The following STK32B variants were observed in gnomAD, a reference collection of about 807,000 sequenced individuals.
STK32B encodes serine/threonine-protein kinase 32B.
Under a neutral mutation model 52.6 loss-of-function variants are expected in STK32B, and 43 were observed. The ratio of observed to expected loss-of-function variants is 0.82; its 90% confidence interval spans 0.64 to 1.05. The LOEUF (loss-of-function observed/expected upper bound fraction) is 1.05. Among genes scored for constraint, STK32B ranks in the 50% least tolerant of loss-of-function variants. The pLI is 0.00. For synonymous variants in STK32B, 238 were observed against 204.3 expected (o/e 1.17, Z -1.41); for missense variants, 621 against 534.6 (o/e 1.16, Z -1.59).
At chr4:5,274,002 A>G (rs933848641) in intron 3 of STK32B, among the ~76,000 whole-genome samples, 8 of 151,702 alleles carry the variant, frequency 5.3e-5, no homozygotes, top group African/African-American at 1.9e-4. Flanking sequence ...AAAAAAAAAG[A>G]AACAAAAAAA....
intron 1 of STK32B, among the ~76,000 whole-genome samples, chr4:5,082,630 A>G (rs576306741): frequency 8.0e-4 from 121 of 152,096 alleles, no homozygotes; most frequent in African/African-American, 2.8e-3. Flanking sequence ...ATACATGTGC[A>G]TTTCCTTTTC....
At chr4:5,209,390 T>TTTTTTGTA (rs113574102) in intron 3 of STK32B, among the ~76,000 whole-genome samples, 6,628 of 151,942 alleles carry the variant, frequency 0.044, 319 homozygotes, top group African/African-American at 0.12. Context: ...CCTGGCTAAT[T>TTTTTTGTA]TTTTTGTATT....
intron 3 of STK32B, among the ~76,000 whole-genome samples, chr4:5,276,752 G>A (rs1387057027): frequency 1.3e-5 from 2 of 151,990 alleles, no homozygotes; most frequent in Non-Finnish European, 2.9e-5. Flanking sequence ...GAGGGGAAAT[G>A]CCGCTCAGAA....
At chr4:5,088,773 C>T in intron 1 of STK32B, among the ~76,000 whole-genome samples, 1 of 151,646 alleles carries the variant, frequency 6.6e-6, no homozygotes. Flanking sequence ...TTATAAAAAA[C>T]CTTTATGGTA....
intron 11 of STK32B, among the ~76,000 whole-genome samples, chr4:5,496,547 CCCTGCACCCACTGT>C (rs1437305665): frequency 6.8e-6 from 1 of 147,160 alleles, no homozygotes; most frequent in East Asian, 1.9e-4. Flanking sequence ...CAATGCCTTG[CCCTGCACCCACTGT>C]CCTGTGCCCA....
At chr4:5,382,214 GGGTACTGT>G (rs1333219419) in intron 4 of STK32B, among the ~76,000 whole-genome samples, 6 of 152,106 alleles carry the variant, frequency 3.9e-5, no homozygotes, top group Non-Finnish European at 8.8e-5. Context: ...ACAAATATCT[GGGTACTGT>G]GGCCCTGTCA....
At chr4:5,454,076 T>C (rs1424569919) in intron 7 of STK32B, among the ~76,000 whole-genome samples, 1 of 151,832 alleles carries the variant, frequency 6.6e-6, no homozygotes, top group Non-Finnish European at 1.5e-5. Context: ...ACCCCCGACC[T>C]CTCTTTATTG....
chr4:5,364,036 C>G (rs1734711670), intron 4 of STK32B, among the ~76,000 whole-genome samples: 1 of 149,708 alleles, frequency 6.7e-6, no homozygotes, highest in Non-Finnish European at 1.5e-5. Context: ...CTGGAGGCAT[C>G]CTTTTGAAAA....
At chr4:5,426,852 TAA>T (rs1713152596) in intron 6 of STK32B, 2 of 152,284 alleles carry the variant, frequency 1.3e-5, no homozygotes, top group East Asian at 1.9e-4. Flanking sequence ...TCTATTATCT[TAA>T]AAGAGTCTTC....
chr4:5,475,366 A>G (rs941439607), intron 11 of STK32B, among the ~76,000 whole-genome samples: 1 of 143,974 alleles, frequency 6.9e-6, no homozygotes, highest in Non-Finnish European at 1.5e-5. Context: ...CGGAGGTTGC[A>G]GTGAGCCGAG....
chr4:5,400,292 C>A lies in STK32B; in HGVS notation c.472+2048C>A, dbSNP rs1009002077. Among the ~76,000 whole-genome samples, 1 of 152,182 alleles carries A rather than the reference C, an allele frequency of 6.6e-6. No homozygotes were observed. Among genetic ancestry groups the A allele is most frequent in the Non-Finnish European group, 1.5e-5 (1 of 68,032 alleles). ...TCCTGCCTTTTGGATTTCCATCCATCCCATTCCGCCTCCCTTTCTGTACCC... is the reference window on the plus strand; with the variant it reads ...TCCTGCCTTTTGGATTTCCATCCATACCATTCCGCCTCCCTTTCTGTACCC... On this transcript the variant is annotated intron_variant, in intron 5 of 11. Coordinates refer to ENST00000282908, the MANE Select transcript of STK32B (RefSeq NM_018401.3). This position sits in a 1 kb window ranked among gnomAD's most constrained non-coding sequence, Gnocchi z 6.1.
At chr4:5,140,021 G>T in intron 2 of STK32B, 61 bp downstream of exon 2, 1 of 1,598,680 alleles carries the variant, frequency 6.3e-7, no homozygotes, top group Non-Finnish European at 8.6e-7. Flanking sequence ...GTGTGTCTGT[G>T]TGTTGGTTGC....
chr4:5,176,507 A>G (rs1026788389), intron 3 of STK32B, among the ~76,000 whole-genome samples: 2 of 146,536 alleles, frequency 1.4e-5, no homozygotes, highest in Non-Finnish European at 3.0e-5. Flanking sequence ...GCAATGGTGC[A>G]ATCTCGGCTC....
chr4:5,128,537 G>T lies in STK32B; in HGVS notation c.53-11368G>T, dbSNP rs78282059. ...GTTTTTGCTGGTAAGAGTGTGGAGCGAGGGGTAAAAAGAGGTTTTAAGGCT... is the reference window on the plus strand; with the variant it reads ...GTTTTTGCTGGTAAGAGTGTGGAGCTAGGGGTAAAAAGAGGTTTTAAGGCT... On this transcript the variant is annotated intron_variant, in intron 1 of 11. Coordinates refer to ENST00000282908, the MANE Select transcript of STK32B (RefSeq NM_018401.3). Among the ~76,000 whole-genome samples the T allele has an allele frequency of 2.8e-5, 4 of 141,092 alleles. No individual in the cohort carries two copies. In the East Asian group the frequency reaches 8.6e-4, roughly 30 times the overall value. 92.6% of individuals were successfully genotyped at this position (141,092 alleles called of 152,430 possible). A position where few individuals can be genotyped will look rare whatever the true frequency, so the allele number is the denominator to read the frequency against.
intron 4 of STK32B, among the ~76,000 whole-genome samples, chr4:5,336,008 T>G (rs1164128029): frequency 2.0e-5 from 3 of 151,368 alleles, no homozygotes; most frequent in African/African-American, 7.3e-5. Flanking sequence ...GCCCCCTTCC[T>G]TACCCGAAAG....
intron 3 of STK32B, among the ~76,000 whole-genome samples, chr4:5,244,961 T>C (rs1250656804): frequency 6.6e-6 from 1 of 152,238 alleles, no homozygotes; most frequent in Non-Finnish European, 1.5e-5. Flanking sequence ...ATAATTTCTG[T>C]TCTTTTGCAT....
At chr4:5,085,853 CCCATGTGCCTTGTA>C in intron 1 of STK32B, among the ~76,000 whole-genome samples, 1 of 152,272 alleles carries the variant, frequency 6.6e-6, no homozygotes, top group African/African-American at 2.4e-5. Flanking sequence ...AAAATAACAA[CCCATGTGCCTTGTA>C]CCAGAGAGAG....
intron 1 of STK32B, among the ~76,000 whole-genome samples, chr4:5,101,170 A>G (rs969240465): frequency 6.6e-6 from 1 of 152,158 alleles, no homozygotes. Context: ...CAGCCTCCCA[A>G]GTTGCTGGAA....
intron 3 of STK32B, among the ~76,000 whole-genome samples, chr4:5,198,841 A>G (rs6826744): frequency 0.037 from 5,690 of 152,306 alleles, 131 homozygotes; most frequent in Middle Eastern, 0.082. Flanking sequence ...GGCAGTCACA[A>G]TGGCAGTTCT....
Sources: allele counts gnomAD v4.1 joint callset (sites outside exome capture counted in the v4.1 genomes callset), GRCh38; gene constraint gnomAD v4.1.1; non-coding constraint Gnocchi (gnomAD v3.1); transcripts MANE v1.5; gene names NCBI Gene and HGNC (gene_info 2026-07-23, HGNC 2026-07-21).